Variants in ROBO1 observed in about 807,000 individuals in gnomAD.
The protein encoded by ROBO1 is roundabout homolog 1.
A neutral mutation model predicts 195.9 loss-of-function variants in ROBO1; 149 were observed. The ratio of observed to expected loss-of-function variants is 0.76; its 90% CI spans 0.67 to 0.87. The LOEUF (loss-of-function observed/expected upper bound fraction) is 0.87, where lower values mean the gene tolerates loss of function less well. Among genes scored for constraint, ROBO1 ranks in the 40% least tolerant of loss-of-function variants. The pLI is 0.00. For synonymous variants in ROBO1, 816 were observed against 733.2 expected (o/e 1.11, Z -1.82); for missense variants, 1,933 against 2,068.3 (o/e 0.93, Z 1.27).
intron 4 of ROBO1, among the ~76,000 whole-genome samples, chr3:78,936,220 G>A (rs2039798810): frequency 6.6e-6 from 1 of 151,780 alleles, no homozygotes; most frequent in African/African-American, 2.4e-5. Context: ...TTTTTTCAAT[G>A]TTTGAGAGGT....
At chr3:79,370,681 A>G (rs1395099390) in intron 2 of ROBO1, among the ~76,000 whole-genome samples, 3 of 151,534 alleles carry the variant, frequency 2.0e-5, no homozygotes, top group African/African-American at 7.3e-5. Flanking sequence ...TATTATATAT[A>G]TATTATTTAA....
chr3:79,578,130 T>A (rs1004127787), intron 2 of ROBO1, among the ~76,000 whole-genome samples: 6 of 152,008 alleles, frequency 3.9e-5, no homozygotes, highest in African/African-American at 1.4e-4. Flanking sequence ...ATAGCTAAAA[T>A]CCCAAACACT....
At chr3:79,151,468 A>T (rs933629563) in intron 2 of ROBO1, among the ~76,000 whole-genome samples, 1 of 151,526 alleles carries the variant, frequency 6.6e-6, no homozygotes, top group East Asian at 2.0e-4. Flanking sequence ...TCACTTCTTA[A>T]TCGCCCCTCG....
chr3:79,144,022 T>C (rs575032126), intron 2 of ROBO1, among the ~76,000 whole-genome samples: 1 of 152,138 alleles, frequency 6.6e-6, no homozygotes, highest in East Asian at 1.9e-4. Flanking sequence ...TTTGCGTGAC[T>C]CAAGAGTTCA....
chr3:79,390,219 G>C (rs147937848), intron 2 of ROBO1, among the ~76,000 whole-genome samples: 1 of 151,960 alleles, frequency 6.6e-6, no homozygotes, highest in Non-Finnish European at 1.5e-5. Context: ...TATTTTATAC[G>C]GTCTGTGTAG....
At chr3:79,212,660 A>C (rs562038305) in intron 2 of ROBO1, among the ~76,000 whole-genome samples, 7 of 152,082 alleles carry the variant, frequency 4.6e-5, no homozygotes, top group Admixed American at 1.3e-4. Context: ...CTCTACTAAA[A>C]ATACAAAATA....
intron 2 of ROBO1, among the ~76,000 whole-genome samples, chr3:79,322,840 T>G (rs1479456193): frequency 6.6e-6 from 1 of 152,154 alleles, no homozygotes; most frequent in Non-Finnish European, 1.5e-5. Flanking sequence ...AATTCTTGTT[T>G]TATAGCACTT....
At chr3:79,333,084 TC>T (rs2034516171) in intron 2 of ROBO1, among the ~76,000 whole-genome samples, 1 of 151,706 alleles carries the variant, frequency 6.6e-6, no homozygotes, top group Non-Finnish European at 1.5e-5. Flanking sequence ...GCGCCTGTAG[TC>T]CCAGCTGCTT....
rs951030436 is a variant in ROBO1, at chr3:78,627,333, T to C, written c.3863A>G (p.Gln1288Arg). Residue 1288 changes from glutamine (Q) to arginine (R), a missense_variant, in exon 26 of 31, where the codon CAG (glutamine) becomes CGG (arginine). Coordinates refer to ENST00000464233, the MANE Select transcript of ROBO1 (RefSeq NM_002941.4). Reference sequence around the variant, plus strand: ...AGTGACAACATACCTCCTGTCGGGCTGGTGCTGCATGTGGCCAGTCTCCTC... The same window carrying C: ...AGTGACAACATACCTCCTGTCGGGCCGGTGCTGCATGTGGCCAGTCTCCTC... ...CPEETGHMQH[Q>R]PDRRRQPVSP... The C allele has an allele frequency of 1.6e-5, 25 of 1,612,248 alleles. No individual in the cohort carries two copies. Among genetic ancestry groups the C allele is most frequent in the Non-Finnish European group, 2.1e-5 (25 of 1,179,226 alleles).
chr3:79,034,967 A>G (rs915829028), intron 3 of ROBO1, among the ~76,000 whole-genome samples: 4 of 152,140 alleles, frequency 2.6e-5, no homozygotes, highest in African/African-American at 9.6e-5. Context: ...TTTAAAGTAT[A>G]TATTTCCATA....
intron 2 of ROBO1, among the ~76,000 whole-genome samples, chr3:79,267,123 G>A (rs1054370755): frequency 6.6e-6 from 1 of 151,256 alleles, no homozygotes. Flanking sequence ...CAGTTTATTA[G>A]TCATACAAGA....
intron 2 of ROBO1, among the ~76,000 whole-genome samples, chr3:79,313,861 C>A (rs1475357164): frequency 6.6e-6 from 1 of 152,062 alleles, no homozygotes; most frequent in East Asian, 1.9e-4. Context: ...ATTTATAAAT[C>A]ATATAGTCAC....
intron 14 of ROBO1, 122 bp downstream of exon 14, chr3:78,667,752 AAGCAACTTG>A: frequency 1.2e-6 from 1 of 852,216 alleles, no homozygotes; most frequent in Non-Finnish European, 1.7e-6. Flanking sequence ...AAAATTAATT[AAGCAACTTG>A]GGCAACTTGA....
chr3:78,732,190 A>T (rs1437747226), intron 5 of ROBO1, among the ~76,000 whole-genome samples: 3 of 152,138 alleles, frequency 2.0e-5, no homozygotes, highest in Non-Finnish European at 4.4e-5. Context: ...ACAACAGCTT[A>T]TATTTTCTTT....
intron 4 of ROBO1, among the ~76,000 whole-genome samples, chr3:78,769,978 T>C (rs1387052418): frequency 6.6e-6 from 1 of 152,156 alleles, no homozygotes; most frequent in Non-Finnish European, 1.5e-5. Context: ...TTTATAGTTT[T>C]CCTGGTGCTT....
intron 4 of ROBO1, among the ~76,000 whole-genome samples, chr3:78,757,877 C>T (rs185308198): frequency 2.2e-4 from 34 of 152,274 alleles, no homozygotes; most frequent in African/African-American, 5.3e-4. Flanking sequence ...CTGAACATAA[C>T]GTTCAGATCT....
chr3:79,075,318 T>G (rs2079154949), intron 3 of ROBO1, among the ~76,000 whole-genome samples: 1 of 151,996 alleles, frequency 6.6e-6, no homozygotes. Flanking sequence ...TACATAGGTA[T>G]GAATTTGAAA....
intron 2 of ROBO1, among the ~76,000 whole-genome samples, chr3:79,323,518 G>A (rs545237622): frequency 1.3e-4 from 20 of 152,238 alleles, no homozygotes; most frequent in African/African-American, 3.4e-4. Flanking sequence ...CTATGCATGC[G>A]TGTGTTCATG....
At chr3:78,615,925 T>C (rs1264150764) in intron 27 of ROBO1, among the ~76,000 whole-genome samples, 1 of 152,218 alleles carries the variant, frequency 6.6e-6, no homozygotes, top group Non-Finnish European at 1.5e-5. Flanking sequence ...AATGCATGTT[T>C]AGTTAATTAA....
Sources: gnomAD v4.1 joint callset for allele counts (sites outside exome capture counted in the v4.1 genomes callset) on GRCh38, gnomAD v4.1.1 for gene constraint, MANE v1.5 for transcripts, NCBI Gene and HGNC (gene_info 2026-07-23, HGNC 2026-07-21) for gene names.